ATP8A2: variants seen among roughly 807,000 people sequenced by gnomAD.
ATP8A2 encodes the protein phospholipid-transporting ATPase IB.
Under a neutral mutation model 165.6 loss-of-function variants are expected in ATP8A2, and 100 were observed. The observed-to-expected ratio is 0.60, with a 90% CI of 0.51 to 0.71. The LOEUF is 0.71. Ranked by LOEUF, ATP8A2 falls within the 30% of genes least tolerant of loss-of-function variation. ATP8A2 has a pLI of 0.00. For missense variants in ATP8A2, 1,227 were observed against 1,479.5 expected (o/e 0.83, Z 2.80); for synonymous variants, 543 against 548.8 (o/e 0.99, Z 0.15).
At position 25,953,955 on chromosome 13, in the gene ATP8A2, G is replaced by A. The variant is rs1955450595; in HGVS notation, c.3184-7620G>A. ...TTCGGCAGACACCGAGCTAGCTGCA[G>A]GAGTTTTTTTTTTTCATACCCCAGT... On this transcript the variant is annotated intron_variant, in intron 33 of 36. Coordinates refer to ENST00000381655, the MANE Select transcript of ATP8A2 (RefSeq NM_016529.6). This position sits in a 1 kb window ranked among gnomAD's most constrained non-coding sequence, Gnocchi z 6.7. Among the ~76,000 whole-genome samples, 3 of 99,936 alleles carry A rather than the reference G, an allele frequency of 3.0e-5. No homozygotes were observed. In the Admixed American group the frequency reaches 3.1e-4, roughly 10 times the overall value. The allele number at this position is 99,936 out of a possible 152,430, so 65.6% of individuals were successfully genotyped here.
Position 25,774,841 on chromosome 13 carries a change from T to G in ATP8A2, c.2569-8T>G, listed in dbSNP as rs768173272. 6.4e-7 allele frequency: 1 copy of G among 1,573,380 alleles called. No individual in the cohort carries two copies. Among genetic ancestry groups the G allele is most frequent in the Non-Finnish European group, 8.7e-7 (1 of 1,144,864 alleles). ...GCTCTTCTGAGCTTTGTAATTTTCCTTTTTCAGTTTTCCTACTTAGAGAAG... is the reference window on the plus strand; with the variant it reads ...GCTCTTCTGAGCTTTGTAATTTTCCGTTTTCAGTTTTCCTACTTAGAGAAG... On this transcript the variant is annotated splice_polypyrimidine_tract_variant and splice_region_variant and intron_variant, in intron 26 of 36. Coordinates refer to ENST00000381655, the MANE Select transcript of ATP8A2 (RefSeq NM_016529.6).
At chr13:25,640,053 A>G (rs548548118) in intron 24 of ATP8A2, among the ~76,000 whole-genome samples, 47 of 152,366 alleles carry the variant, frequency 3.1e-4, no homozygotes, top group African/African-American at 1.1e-3. Flanking sequence ...CTTTGAAACC[A>G]ATGAGAACAA....
chr13:26,004,213 C>G, intron 35 of ATP8A2, among the ~76,000 whole-genome samples: 1 of 151,948 alleles, frequency 6.6e-6, no homozygotes, highest in Non-Finnish European at 1.5e-5. Flanking sequence ...GTAGTTTTCT[C>G]TATATAGTCT....
intron 35 of ATP8A2, among the ~76,000 whole-genome samples, chr13:25,971,678 C>T (rs886409633): frequency 2.6e-5 from 4 of 152,046 alleles, no homozygotes; most frequent in Non-Finnish European, 4.4e-5. Context: ...TGTGTCAGCT[C>T]GTGTGTCGGA....
rs1390034813 is a variant in ATP8A2, at chr13:26,020,198, T to A, written c.*213T>A. ...GCTATCTTTGCCCTCCCAACTCGTC[T>A]GCAGTGCTTAGCCTAACTTTTGTTT... is the stretch of plus-strand genomic sequence containing the variant. On this transcript the variant is annotated 3_prime_UTR_variant, in exon 37 of 37. Coordinates refer to ENST00000381655, the MANE Select transcript of ATP8A2 (RefSeq NM_016529.6). 2 of 580,362 alleles carry A rather than the reference T, an allele frequency of 3.4e-6. No homozygotes were observed. The highest frequency in any genetic ancestry group is 6.1e-6 in the Non-Finnish European group (2 of 326,164). The allele number at this position is 580,362 out of a possible 1,614,324, so 36.0% of individuals were successfully genotyped here.
At position 25,778,202 on chromosome 13, in the gene ATP8A2, A is replaced by C. The variant is rs538833209; in HGVS notation, c.2679+3243A>C. On this transcript the variant is annotated intron_variant, in intron 27 of 36. Coordinates refer to ENST00000381655, the MANE Select transcript of ATP8A2 (RefSeq NM_016529.6). ...AGCCTTGTGGAATAACAGCTTTCTCACTAGCCCATAAATATTCCACCCAAA... is the reference window on the plus strand; with the variant it reads ...AGCCTTGTGGAATAACAGCTTTCTCCCTAGCCCATAAATATTCCACCCAAA... 9.2e-5 allele frequency among the ~76,000 whole-genome samples: 14 copies of C among 152,336 alleles called. No individual in the cohort carries two copies. In the East Asian group the frequency reaches 2.5e-3, roughly 27 times the overall value.
intron 1 of ATP8A2, among the ~76,000 whole-genome samples, chr13:25,410,235 G>A (rs1052176605): frequency 2.6e-5 from 4 of 151,822 alleles, no homozygotes; most frequent in African/African-American, 9.7e-5. Flanking sequence ...ATGGTAAAGT[G>A]TTCTCCCTCC....
chr13:25,654,033 T>C (rs1360194601), intron 24 of ATP8A2, among the ~76,000 whole-genome samples: 2 of 152,128 alleles, frequency 1.3e-5, no homozygotes, highest in Non-Finnish European at 2.9e-5. Context: ...CCCTGTACAC[T>C]GTGAAGGTAA....
At chr13:25,786,567 C>T (rs2045031476) in intron 27 of ATP8A2, among the ~76,000 whole-genome samples, 1 of 152,128 alleles carries the variant, frequency 6.6e-6, no homozygotes, top group Non-Finnish European at 1.5e-5. Context: ...GTCCCTTGCC[C>T]ATTTGAAAGT....
chr13:25,540,749 T>C lies in ATP8A2; in HGVS notation c.651+361T>C, dbSNP rs116297178. Among the ~76,000 whole-genome samples the C allele has an allele frequency of 5.1e-3, 780 of 152,296 alleles. 6 individuals carry two copies. Among genetic ancestry groups the C allele is most frequent in the African/African-American group, 0.018 (758 of 41,564 alleles). On this transcript the variant is annotated intron_variant, in intron 8 of 36. Transcript: ENST00000381655. ...GGTACCCCAGTTTACATCATTGTTG[T>C]AATAAAGATTCTAATCCTAGAGGGT... is the stretch of plus-strand genomic sequence containing the variant.
intron 28 of ATP8A2, among the ~76,000 whole-genome samples, chr13:25,836,897 G>A (rs9581459): frequency 0.034 from 5,148 of 152,300 alleles, 299 homozygotes; most frequent in African/African-American, 0.12. Flanking sequence ...TTTTACAAAG[G>A]AAGGTAGTTG....
chr13:25,769,653 G>A (rs1187393151), intron 26 of ATP8A2, among the ~76,000 whole-genome samples: 4 of 151,062 alleles, frequency 2.6e-5, no homozygotes, highest in African/African-American at 7.3e-5. Flanking sequence ...AAAGGTGTTG[G>A]GACACCCCCT....
chr13:25,782,382 C>T (rs1477401634), intron 27 of ATP8A2, among the ~76,000 whole-genome samples: 4 of 152,130 alleles, frequency 2.6e-5, no homozygotes, highest in African/African-American at 9.7e-5. Context: ...AGTATGGAAC[C>T]ATCCATTTTC....
At chr13:25,794,208 C>T (rs1391641023) in intron 27 of ATP8A2, among the ~76,000 whole-genome samples, 1 of 152,202 alleles carries the variant, frequency 6.6e-6, no homozygotes, top group African/African-American at 2.4e-5. Context: ...CAGAATGGTG[C>T]AGCTGCCTTG....
rs531991256 is a variant in ATP8A2, at chr13:25,378,643, C to T, written c.76+6355C>T. ...TGACATGTTTTTTTCTTTTTAGCAT[C>T]TGTTCCATATACAGGGTGAATAGCT... On this transcript the variant is annotated intron_variant, in intron 1 of 36. Transcript: ENST00000381655. 4.6e-5 allele frequency among the ~76,000 whole-genome samples: 7 copies of T among 152,252 alleles called. No individual in the cohort carries two copies. In the East Asian group the frequency reaches 1.2e-3, roughly 25 times the overall value.
chr13:25,906,110 TTAAAA>T (rs1953928606), intron 33 of ATP8A2, among the ~76,000 whole-genome samples: 1 of 152,168 alleles, frequency 6.6e-6, no homozygotes, highest in Non-Finnish European at 1.5e-5. Context: ...CTCATCCTTT[TTAAAA>T]TAAGTCCTTC....
intron 2 of ATP8A2, among the ~76,000 whole-genome samples, chr13:25,527,386 C>T (rs1184800160): frequency 6.6e-6 from 1 of 152,152 alleles, no homozygotes; most frequent in Non-Finnish European, 1.5e-5. Flanking sequence ...TCAGAATCTG[C>T]ATTTTAATAA....
chr13:25,630,889 G>A (rs79858641), intron 24 of ATP8A2, among the ~76,000 whole-genome samples: 47,377 of 151,982 alleles, frequency 0.31, 9,512 homozygotes, highest in Non-Finnish European at 0.44. Flanking sequence ...ATTTACAAGA[G>A]CAGTAACTAC....
At position 25,822,453 on chromosome 13, in the gene ATP8A2, A is replaced by G. The variant is rs639804; in HGVS notation, c.2680-5665A>G. 4.7e-3 allele frequency among the ~76,000 whole-genome samples: 709 copies of G among 152,246 alleles called. 5 individuals carry two copies. The highest frequency in any genetic ancestry group is 0.016 in the African/African-American group (677 of 41,532). On this transcript the variant is annotated intron_variant, in intron 27 of 36. Coordinates refer to ENST00000381655, the MANE Select transcript of ATP8A2 (RefSeq NM_016529.6). ...CAGTGTTGTTTCCCCAGTTTACCAA[A>G]CTTTTATATTTTTACCCATCTGATA...
Sources: gnomAD v4.1 joint callset for allele counts (sites outside exome capture counted in the v4.1 genomes callset) on GRCh38, gnomAD v4.1.1 for gene constraint, Gnocchi (gnomAD v3.1) non-coding constraint, MANE v1.5 for transcripts, NCBI Gene and HGNC (gene_info 2026-07-23, HGNC 2026-07-21) for gene names.